YAP1: variants seen among roughly 807,000 people sequenced by gnomAD.
The protein encoded by YAP1 is transcriptional coactivator YAP1.
YAP1 carries 5 observed loss-of-function variants against 56.9 expected under a neutral mutation model. The ratio of observed to expected loss-of-function variants is 0.09; its 90% CI spans 0.05 to 0.18. YAP1 has a LOEUF of 0.18. Among genes scored for constraint, YAP1 ranks in the 10% least tolerant of loss-of-function variants. YAP1 has a pLI of 1.00. For synonymous variants in YAP1, 265 were observed against 248.1 expected, an observed-to-expected ratio of 1.07 and a Z score of -0.64; for missense variants, 539 against 651.8, an observed-to-expected ratio of 0.83 and a Z score of 1.88.
chr11:102,223,865 G>A, intron 7 of YAP1, 113 bp downstream of exon 7: 1 of 1,354,520 alleles, frequency 7.4e-7, no homozygotes, highest in South Asian at 1.4e-5. Context: ...AAAAACCATA[G>A]CTGTAAATGA....
intron 3 of YAP1, among the ~76,000 whole-genome samples, chr11:102,179,162 C>A (rs1591332715): frequency 1.3e-5 from 2 of 150,940 alleles, no homozygotes; most frequent in Non-Finnish European, 1.5e-5. Flanking sequence ...CTCTTTACGT[C>A]TCATTAAAAT....
In YAP1 at chr11:102,144,603, G is replaced by A. The variant is rs1017872714; in HGVS notation, c.573-17853G>A. Among the ~76,000 whole-genome samples the A allele has an allele frequency of 1.3e-4, 20 of 152,266 alleles. 1 individual carries two copies. Among genetic ancestry groups the A allele is most frequent in the Middle Eastern group, 6.8e-3 (2 of 294 alleles). On this transcript the variant is annotated intron_variant, in intron 2 of 8. Transcript: ENST00000282441. ...GCTGTTAATCACTTGGTGCCACCCT[G>A]TCTGAGTTGTGTGCTTGTAGATTGT... is the stretch of plus-strand genomic sequence containing the variant.
At chr11:102,122,587 GT>G (rs1015909960) in intron 2 of YAP1, among the ~76,000 whole-genome samples, 3 of 151,884 alleles carry the variant, frequency 2.0e-5, no homozygotes, top group African/African-American at 7.3e-5. Context: ...CCTTAATACT[GT>G]AAGGTTTATA....
chr11:102,180,824 A>G (rs1465334215), intron 3 of YAP1, among the ~76,000 whole-genome samples: 7 of 152,104 alleles, frequency 4.6e-5, no homozygotes, highest in Non-Finnish European at 8.8e-5. Flanking sequence ...AAAGTTCTCA[A>G]CTAAAAATGT....
chr11:102,172,018 C>T (rs923096401), intron 3 of YAP1, among the ~76,000 whole-genome samples: 6 of 151,814 alleles, frequency 4.0e-5, no homozygotes, highest in Non-Finnish European at 7.4e-5. Flanking sequence ...GGTGAAACCC[C>T]GTCTCTACTA....
intron 4 of YAP1, among the ~76,000 whole-genome samples, chr11:102,189,740 T>A (rs187665783): frequency 1.3e-5 from 2 of 152,354 alleles, no homozygotes; most frequent in Non-Finnish European, 2.9e-5. Context: ...GTGTATGTGT[T>A]ACTATAATGT....
chr11:102,170,483 C>A (rs567210513), intron 3 of YAP1, among the ~76,000 whole-genome samples: 3 of 152,102 alleles, frequency 2.0e-5, no homozygotes, highest in African/African-American at 7.2e-5. Flanking sequence ...TAAGGTAATT[C>A]TTTCCTGTCC....
Position 102,228,634 on chromosome 11 carries a change from C to CAAAAAAAAAAAAAAAAAAAAAAAAAAAA in YAP1, c.1277-1041_1277-1040insAAAAAAAAAAAAAAAAAAAAAAAAAAAA, listed in dbSNP as rs71059544. On this transcript the variant is annotated intron_variant, in intron 8 of 8. Transcript: ENST00000282441. ...TGGGTGACAGAGCAAGACTCCGTCT[C>CAAAAAAAAAAAAAAAAAAAAAAAAAAAA]AAAAAAAAAAAAAAAAAAAAAAAAA... Among the ~76,000 whole-genome samples the CAAAAAAAAAAAAAAAAAAAAAAAAAAAA allele has an allele frequency of 4.7e-4, 15 of 31,644 alleles. 1 individual carries two copies. The highest frequency in any genetic ancestry group is 1.1e-3 in the Non-Finnish European group (14 of 13,126). 20.8% of individuals were successfully genotyped at this position (31,644 alleles called of 152,430 possible).
chr11:102,153,974 G>T (rs1377144902), intron 2 of YAP1, among the ~76,000 whole-genome samples: 1 of 152,106 alleles, frequency 6.6e-6, no homozygotes, highest in African/African-American at 2.4e-5. Context: ...GTCTCTAAGT[G>T]ATCATGTTAC....
At chr11:102,154,403 C>T (rs1176197450) in intron 2 of YAP1, among the ~76,000 whole-genome samples, 1 of 152,090 alleles carries the variant, frequency 6.6e-6, no homozygotes, top group African/African-American at 2.4e-5. Flanking sequence ...ACTGACTCTT[C>T]TAAGTAAGCC....
Position 102,203,463 on chromosome 11 carries a change from A to G in YAP1, c.803-2430A>G, listed in dbSNP as rs1948976912. ...ATTGTAATTATATTTTTCTTTTTTTAAAGAAGGCCCTGTCTTTTTAGAAAT... is the reference window on the plus strand; with the variant it reads ...ATTGTAATTATATTTTTCTTTTTTTGAAGAAGGCCCTGTCTTTTTAGAAAT... On this transcript the variant is annotated intron_variant, in intron 4 of 8. Transcript: ENST00000282441. Among the ~76,000 whole-genome samples the G allele has an allele frequency of 2.6e-5, 4 of 152,290 alleles. No homozygotes were observed. The South Asian group carries it at 8.3e-4, about 32-fold the overall frequency.
In YAP1 at chr11:102,137,445, A is replaced by G. The variant is rs534410133; in HGVS notation, c.572+23051A>G. On this transcript the variant is annotated intron_variant, in intron 2 of 8. Coordinates refer to ENST00000282441, the MANE Select transcript of YAP1 (RefSeq NM_001130145.3). ...TAATGTTTTAATATCCTTGTTAACA[A>G]ATTTATCAAAATCACATATATGGGT... 4.6e-5 allele frequency among the ~76,000 whole-genome samples: 7 copies of G among 152,348 alleles called. No individual in the cohort carries two copies. The East Asian group carries it at 1.2e-3, about 25-fold the overall frequency.
chr11:102,155,916 A>G (rs1022617929), intron 2 of YAP1, among the ~76,000 whole-genome samples: 3 of 152,186 alleles, frequency 2.0e-5, no homozygotes, highest in Non-Finnish European at 4.4e-5. Flanking sequence ...AACACTGATT[A>G]TAACTTTGTT....
At chr11:102,133,588 C>T (rs181677698) in intron 2 of YAP1, among the ~76,000 whole-genome samples, 5 of 152,306 alleles carry the variant, frequency 3.3e-5, no homozygotes, top group South Asian at 2.1e-4. Flanking sequence ...TAAGCCACCA[C>T]GCCTGGCCTA....
chr11:102,186,299 C>T (rs902448597), intron 4 of YAP1, 168 bp downstream of exon 4: 2 of 765,292 alleles, frequency 2.6e-6, no homozygotes, highest in African/African-American at 3.7e-5. Context: ...TCATTGTAAA[C>T]TTGAGAAATT....
rs1950420251 is a variant in YAP1 at position 102,231,001 on chromosome 11, T to C, written c.*1061T>C. The C allele has an allele frequency of 6.6e-6, 1 of 152,238 alleles. No individual in the cohort carries two copies. Among genetic ancestry groups the C allele is most frequent in the South Asian group, 2.1e-4 (1 of 4,832 alleles). 9.4% of individuals were successfully genotyped at this position (152,238 alleles called of 1,614,324 possible). ...CATTTAGAATACATGACTAGTAGTT[T>C]ATATTTCACTGGTAGTTTAAATCTG... On this transcript the variant is annotated 3_prime_UTR_variant, in exon 9 of 9. Transcript: ENST00000282441.
rs755623151 is a variant in YAP1 at position 102,110,988 on chromosome 11, C to G, written c.140C>G (p.Ala47Gly). Residue 47 changes from alanine to glycine, a missense_variant, in exon 1 of 9, where the codon GCA becomes GGA. By Grantham distance (60) the Ala-to-Gly change is moderately conservative. Around this residue, in one of 4 missense-constraint regions of YAP1, gnomAD observed 106 missense variants for 86.6 expected, o/e 1.22. Coordinates refer to ENST00000282441, the MANE Select transcript of YAP1 (RefSeq NM_001130145.3). ...GCGGCGACCCAGGCGGCGCCGCAGG[C>G]ACCCCCCGCCGGGCATCAGATCGTG... ...APAATQAAPQ[A>G]PPAGHQIVHV... is the part of the protein sequence containing the mutation. The G allele has an allele frequency of 3.2e-6, 5 of 1,549,994 alleles. No individual in the cohort carries two copies. In the South Asian group the frequency reaches 3.5e-5, roughly 11 times the overall value.
At chr11:102,124,707 ATTTTTCTGTTGATTTTGTTTTC>A (rs1332635564) in intron 2 of YAP1, among the ~76,000 whole-genome samples, 5 of 151,404 alleles carry the variant, frequency 3.3e-5, no homozygotes, top group African/African-American at 1.2e-4. Context: ...TTAACTTTTA[ATTTTTCTGTTGATTTTGTTTTC>A]TTTTGTTTCT....
chr11:102,232,890 T>C lies in YAP1; in HGVS notation c.*2950T>C, dbSNP rs1565300021. On this transcript the variant is annotated 3_prime_UTR_variant, in exon 9 of 9. Transcript: ENST00000282441. Reference sequence around the variant, plus strand: ...AAATGTAGTGCCTTTAAAGGAAAAATGAACACAGGGAAGTGACTTTGCTAC... The same window carrying C: ...AAATGTAGTGCCTTTAAAGGAAAAACGAACACAGGGAAGTGACTTTGCTAC... 2 of 152,424 alleles carry C rather than the reference T, an allele frequency of 1.3e-5. No homozygotes were observed. Among genetic ancestry groups the C allele is most frequent in the African/African-American group, 2.4e-5 (1 of 41,456 alleles). 9.4% of individuals were successfully genotyped at this position (152,424 alleles called of 1,614,324 possible).
Sources: allele counts gnomAD v4.1 joint callset (sites outside exome capture counted in the v4.1 genomes callset), GRCh38; gene constraint gnomAD v4.1.1; regional missense constraint gnomAD v4.1.1; transcripts MANE v1.5; gene names NCBI Gene and HGNC (gene_info 2026-07-23, HGNC 2026-07-21).